The following CLIP1 variants were observed in gnomAD, a reference collection of about 807,000 sequenced individuals.
CLIP1 encodes the protein CAP-Gly domain containing linker protein 1.
Under a neutral mutation model 161.6 loss-of-function variants are expected in CLIP1, and 66 were observed. The observed-to-expected ratio is 0.41, with a 90% CI of 0.33 to 0.50. CLIP1 has a LOEUF of 0.50. Ranked by LOEUF, CLIP1 falls within the 20% of genes least tolerant of loss-of-function variation. The pLI, the probability that CLIP1 is intolerant of heterozygous loss-of-function variation, is 0.27. For missense variants in CLIP1, 1,376 were observed against 1,702.0 expected, an observed-to-expected ratio of 0.81 and a Z score of 3.37; for synonymous variants, 598 against 626.2, an observed-to-expected ratio of 0.96 and a Z score of 0.67.
intron 5 of CLIP1, among the ~76,000 whole-genome samples, chr12:122,360,581 G>A (rs12314651): frequency 0.064 from 9,658 of 152,028 alleles, 976 homozygotes; most frequent in African/African-American, 0.22. Flanking sequence ...GAGAGAGAGG[G>A]AGAGACAGAT....
At chr12:122,276,057 T>A (rs149137563) in intron 24 of CLIP1, among the ~76,000 whole-genome samples, 318 of 152,266 alleles carry the variant, frequency 2.1e-3, no homozygotes, top group African/African-American at 7.0e-3. Flanking sequence ...CTACAAATAA[T>A]GAAAAGTCTC....
chr12:122,361,126 TG>T lies in CLIP1; in HGVS notation c.837del (p.Lys280ArgfsTer17). ...YGLFAPVHKV[T>X]KIGFPSTTPA... is the part of the protein sequence containing the mutation. ...GGTGTAGTGGAAGGGAAGCCAATCT[TG>T]GTAACTTTGTGGACAGGAGCGAACA... is the stretch of plus-strand genomic sequence containing the variant. On this transcript the variant is annotated frameshift_variant, in exon 5 of 26. Transcript: ENST00000620786. LOFTEE classifies it high-confidence loss of function. 6.2e-7 allele frequency: 1 copy of T among 1,614,266 alleles called. No homozygotes were observed. The highest frequency in any genetic ancestry group is 8.5e-7 in the Non-Finnish European group (1 of 1,180,044).
chr12:122,351,075 C>T, intron 9 of CLIP1, 36 bp downstream of exon 9: 1 of 1,488,936 alleles, frequency 6.7e-7, no homozygotes, highest in Non-Finnish European at 9.1e-7. Flanking sequence ...TCTTTGTTAA[C>T]AAGGGAAATA....
At chr12:122,389,766 A>AAG (rs1352079357) in intron 1 of CLIP1, among the ~76,000 whole-genome samples, 1 of 89,012 alleles carries the variant, frequency 1.1e-5, no homozygotes, top group African/African-American at 3.7e-5. Context: ...CTCAAAAAAA[A>AAG]AAAAAAAAAA....
At chr12:122,319,561 C>A (rs1200223619) in intron 17 of CLIP1, among the ~76,000 whole-genome samples, 1 of 152,190 alleles carries the variant, frequency 6.6e-6, no homozygotes, top group Non-Finnish European at 1.5e-5. Flanking sequence ...CCCTTTCCTG[C>A]CATTTTTCAA....
intron 9 of CLIP1, among the ~76,000 whole-genome samples, chr12:122,349,857 C>T (rs537552257): frequency 2.0e-5 from 3 of 152,096 alleles, no homozygotes; most frequent in Non-Finnish European, 2.9e-5. Flanking sequence ...CCCTTCAGAA[C>T]GAAGACCTTT....
At chr12:122,352,639 GC>G in intron 8 of CLIP1, 86 bp downstream of exon 8, 1 of 1,219,538 alleles carries the variant, frequency 8.2e-7, no homozygotes, top group Non-Finnish European at 1.2e-6. Context: ...GGCTGTTCTG[GC>G]CGCTCATTTC....
At chr12:122,340,659 A>T in intron 11 of CLIP1, 94 bp downstream of exon 11, 1 of 1,022,134 alleles carries the variant, frequency 9.8e-7, no homozygotes, top group Non-Finnish European at 1.4e-6. Flanking sequence ...TAAATCAGCA[A>T]TTTGGAAGAT....
At position 122,348,526 on chromosome 12, in the gene CLIP1, C is replaced by A. The variant is rs77971834; in HGVS notation, c.1402-1047G>T. On this transcript the variant is annotated intron_variant, in intron 9 of 25. Transcript: ENST00000620786. ...GATCTCAGATACTCTGCTCTCCCCACCATTACGCACTTGGATGTAGCCTGA... is the reference window on the plus strand; with the variant it reads ...GATCTCAGATACTCTGCTCTCCCCAACATTACGCACTTGGATGTAGCCTGA... 2.0e-3 allele frequency among the ~76,000 whole-genome samples: 301 copies of A among 152,284 alleles called. 3 individuals carry two copies. Among genetic ancestry groups the A allele is most frequent in the African/African-American group, 7.0e-3 (289 of 41,556 alleles).
At chr12:122,300,254 A>G (rs919759197) in intron 20 of CLIP1, among the ~76,000 whole-genome samples, 3 of 152,218 alleles carry the variant, frequency 2.0e-5, no homozygotes, top group African/African-American at 7.2e-5. Flanking sequence ...TGGGTGGCAG[A>G]GAAAGACATC....
At chr12:122,356,736 TG>T (rs1953392529) in intron 5 of CLIP1, among the ~76,000 whole-genome samples, 1 of 29,372 alleles carries the variant, frequency 3.4e-5, no homozygotes, top group Non-Finnish European at 1.1e-4. Flanking sequence ...GCAGCCTCCC[TG>T]CCTGATTCTC....
chr12:122,348,679 A>G (rs1474956069), intron 9 of CLIP1, among the ~76,000 whole-genome samples: 1 of 152,210 alleles, frequency 6.6e-6, no homozygotes, highest in East Asian at 1.9e-4. Flanking sequence ...AGTTATCAGA[A>G]TCAGTGACTG....
Position 122,278,542 on chromosome 12 carries a change from C to T in CLIP1, c.3916+250G>A, listed in dbSNP as rs1363811481. 7.7e-6 allele frequency: 4 copies of T among 517,390 alleles called. No homozygotes were observed. In the South Asian group the frequency reaches 9.9e-5, roughly 13 times the overall value. The allele number at this position is 517,390 out of a possible 1,614,324, so 32.0% of individuals were successfully genotyped here. A position where few individuals can be genotyped will look rare whatever the true frequency, so the allele number is the denominator to read the frequency against. ...TCCTGCACTGTTATGTACTTTAAGA[C>T]CCCCCAGTCTGGATGGCAGCAGGCA... On this transcript the variant is annotated intron_variant, in intron 23 of 25. Coordinates refer to ENST00000620786, the MANE Select transcript of CLIP1 (RefSeq NM_001247997.2).
Position 122,272,808 on chromosome 12 carries a change from A to G in CLIP1, c.*67T>C, listed in dbSNP as rs1036995475. On this transcript the variant is annotated 3_prime_UTR_variant, in exon 26 of 26. Coordinates refer to ENST00000620786, the MANE Select transcript of CLIP1 (RefSeq NM_001247997.2). ...AGTTCTCCTGAAGTCTGCACACACAATGCTGGTGTTACGTTGTGTCAATGC... is the reference window on the plus strand; with the variant it reads ...AGTTCTCCTGAAGTCTGCACACACAGTGCTGGTGTTACGTTGTGTCAATGC... 77 of 1,324,860 alleles carry G rather than the reference A, an allele frequency of 5.8e-5. No individual in the cohort carries two copies. Among genetic ancestry groups the G allele is most frequent in the Non-Finnish European group, 6.8e-5 (62 of 918,028 alleles). The allele number at this position is 1,324,860 out of a possible 1,614,324, so 82.1% of individuals were successfully genotyped here. A position where few individuals can be genotyped will look rare whatever the true frequency, so the allele number is the denominator to read the frequency against.
chr12:122,308,314 A>G (rs1471195872), intron 20 of CLIP1, among the ~76,000 whole-genome samples: 1 of 152,230 alleles, frequency 6.6e-6, no homozygotes, highest in Non-Finnish European at 1.5e-5. Flanking sequence ...ATGAAATGAC[A>G]GGAGATGGCA....
chr12:122,394,488 C>CAAAAA (rs66683857), intron 1 of CLIP1, among the ~76,000 whole-genome samples: 8 of 57,940 alleles, frequency 1.4e-4, no homozygotes, highest in Non-Finnish European at 1.8e-4. Flanking sequence ...GACGCTGTCT[C>CAAAAA]AAAAAAAAAA....
In CLIP1 at chr12:122,287,991, T is replaced by C. The variant is rs1298908513; in HGVS notation, c.3647+498A>G. ...GCAACTGAACATGGCTTATGAACTA[T>C]TTTTGTTTTAGTAATAGTGAAACTT... On this transcript the variant is annotated intron_variant, in intron 21 of 25. Transcript: ENST00000620786. Among the ~76,000 whole-genome samples, 3 of 152,190 alleles carry C rather than the reference T, an allele frequency of 2.0e-5. 1 individual carries two copies. Among genetic ancestry groups the C allele is most frequent in the East Asian group, 1.9e-4 (1 of 5,208 alleles).
intron 1 of CLIP1, among the ~76,000 whole-genome samples, chr12:122,390,224 A>ATAT (rs2136958380): frequency 7.5e-6 from 1 of 133,096 alleles, no homozygotes; most frequent in South Asian, 2.4e-4. Context: ...ATATATATAC[A>ATAT]CACATATATA....
At chr12:122,414,842 A>G (rs1304984465) in intron 1 of CLIP1, among the ~76,000 whole-genome samples, 1 of 152,122 alleles carries the variant, frequency 6.6e-6, no homozygotes, top group Non-Finnish European at 1.5e-5. Flanking sequence ...AACTTAAAGC[A>G]TACGGATTCT....
Sources: gnomAD v4.1 joint callset for allele counts (sites outside exome capture counted in the v4.1 genomes callset) on GRCh38, gnomAD v4.1.1 for gene constraint, MANE v1.5 for transcripts, NCBI Gene and HGNC (gene_info 2026-07-23, HGNC 2026-07-21) for gene names.